ATF6: variants seen among roughly 807,000 people sequenced by gnomAD.
ATF6 encodes the protein activating transcription factor 6.
In ATF6, 53 loss-of-function variants were observed where a neutral mutation model predicts 83.6. That is an observed-to-expected ratio of 0.63 (90% CI 0.51 to 0.80). The LOEUF (loss-of-function observed/expected upper bound fraction) is 0.80, where lower values mean the gene tolerates loss of function less well. Ranked by LOEUF, ATF6 falls within the 30% of genes least tolerant of loss-of-function variation. The pLI, the probability that ATF6 is intolerant of heterozygous loss-of-function variation, is 0.00. For missense variants in ATF6, 744 were observed against 797.9 expected, an observed-to-expected ratio of 0.93 and a Z score of 0.81; for synonymous variants, 288 against 285.8, an observed-to-expected ratio of 1.01 and a Z score of -0.08.
chr1:161,921,222 G>C (rs1395610445), intron 15 of ATF6, among the ~76,000 whole-genome samples: 1 of 152,176 alleles, frequency 6.6e-6, no homozygotes, highest in African/African-American at 2.4e-5. Flanking sequence ...ACAGTAAAGA[G>C]AGGATTCATG....
chr1:161,916,292 A>G (rs1015637472), intron 15 of ATF6, among the ~76,000 whole-genome samples: 2 of 152,170 alleles, frequency 1.3e-5, no homozygotes, highest in Admixed American at 6.5e-5. Context: ...TTTCAAATCT[A>G]TAGAAAAGTT....
intron 15 of ATF6, among the ~76,000 whole-genome samples, chr1:161,920,151 A>G (rs1688176329): frequency 6.6e-6 from 1 of 151,942 alleles, no homozygotes. Flanking sequence ...AAAAAGTATT[A>G]TCTACCTTGC....
chr1:161,884,050 G>A (rs1332909308), intron 14 of ATF6, among the ~76,000 whole-genome samples: 1 of 152,034 alleles, frequency 6.6e-6, no homozygotes, highest in Admixed American at 6.6e-5. Flanking sequence ...TGCATATATG[G>A]TTGCTGGTTA....
At chr1:161,877,779 G>C (rs143298145) in intron 14 of ATF6, among the ~76,000 whole-genome samples, 3 of 152,222 alleles carry the variant, frequency 2.0e-5, no homozygotes, top group African/African-American at 7.2e-5. Context: ...TTTTTCAGTA[G>C]CTCCGGCAAA....
intron 14 of ATF6, among the ~76,000 whole-genome samples, chr1:161,906,260 T>A (rs1052303247): frequency 1.3e-5 from 2 of 152,188 alleles, no homozygotes; most frequent in African/African-American, 4.8e-5. Flanking sequence ...CCTGACCTGG[T>A]TTAGAAACAT....
chr1:161,814,722 C>T (rs576174177), intron 7 of ATF6, among the ~76,000 whole-genome samples: 41 of 152,032 alleles, frequency 2.7e-4, no homozygotes, highest in Non-Finnish European at 5.3e-4. Flanking sequence ...TAAATTTTCT[C>T]TTTTTTTCTG....
chr1:161,794,539 C>A (rs1165154865), intron 6 of ATF6, among the ~76,000 whole-genome samples: 2 of 152,016 alleles, frequency 1.3e-5, no homozygotes, highest in Admixed American at 1.3e-4. Flanking sequence ...GTCTCGAATT[C>A]TTGGGCTCAA....
At chr1:161,886,713 G>A (rs550523425) in intron 14 of ATF6, among the ~76,000 whole-genome samples, 174 of 152,274 alleles carry the variant, frequency 1.1e-3, no homozygotes, top group Middle Eastern at 6.8e-3. Context: ...TATGTGGTGC[G>A]TAAGTGTACT....
intron 15 of ATF6, among the ~76,000 whole-genome samples, chr1:161,941,974 G>A (rs527407418): frequency 5.3e-5 from 8 of 150,358 alleles, no homozygotes; most frequent in Non-Finnish European, 1.2e-4. Flanking sequence ...TCTTTTTTTC[G>A]GCGGGGTGGG....
At chr1:161,812,602 C>T (rs928198198) in intron 7 of ATF6, among the ~76,000 whole-genome samples, 19 of 151,446 alleles carry the variant, frequency 1.3e-4, no homozygotes, top group African/African-American at 3.9e-4. Flanking sequence ...CGTTTTTAGC[C>T]GGGATGGTCT....
chr1:161,928,067 A>T (rs1189105445), intron 15 of ATF6, among the ~76,000 whole-genome samples: 1 of 152,148 alleles, frequency 6.6e-6, no homozygotes, highest in Admixed American at 6.5e-5. Flanking sequence ...TCTTTAACAG[A>T]TATAATTGCA....
chr1:161,925,485 A>G (rs1426052124), intron 15 of ATF6, among the ~76,000 whole-genome samples: 1 of 152,194 alleles, frequency 6.6e-6, no homozygotes, highest in African/African-American at 2.4e-5. Context: ...AAACATTCAG[A>G]GAAGGCTTCC....
intron 15 of ATF6, among the ~76,000 whole-genome samples, chr1:161,932,043 G>A (rs1430652189): frequency 6.6e-6 from 1 of 151,998 alleles, no homozygotes; most frequent in African/African-American, 2.4e-5. Context: ...TTTTTTGGTT[G>A]TTTACCCTGT....
At chr1:161,917,001 C>T (rs192273782) in intron 15 of ATF6, among the ~76,000 whole-genome samples, 10 of 152,326 alleles carry the variant, frequency 6.6e-5, no homozygotes, top group Non-Finnish European at 8.8e-5. Context: ...TGTATCTCCT[C>T]AGTCAGCTTA....
At chr1:161,856,365 A>T (rs1004924892) in intron 12 of ATF6, among the ~76,000 whole-genome samples, 1 of 152,202 alleles carries the variant, frequency 6.6e-6, no homozygotes, top group Non-Finnish European at 1.5e-5. Flanking sequence ...ACAATGTCAC[A>T]TGTACCCCAA....
At chr1:161,797,397 G>A (rs953975597) in intron 6 of ATF6, among the ~76,000 whole-genome samples, 3 of 152,152 alleles carry the variant, frequency 2.0e-5, no homozygotes, top group East Asian at 1.9e-4. Flanking sequence ...CTTCACAGAC[G>A]ATATGATTCT....
At chr1:161,812,380 T>C (rs1282982909) in intron 7 of ATF6, among the ~76,000 whole-genome samples, 388 of 69,214 alleles carry the variant, frequency 5.6e-3, no homozygotes, top group Non-Finnish European at 8.7e-3. Context: ...TCTTTTTTTT[T>C]TTTTTTTTTT....
In ATF6 at chr1:161,888,176, G is replaced by C. The variant is rs1343821152; in HGVS notation, c.1720-24120G>C. Among the ~76,000 whole-genome samples, 4 of 152,114 alleles carry C rather than the reference G, an allele frequency of 2.6e-5. No individual in the cohort carries two copies. The South Asian group carries it at 8.3e-4, about 32-fold the overall frequency. On this transcript the variant is annotated intron_variant, in intron 14 of 15. Transcript: ENST00000367942. ...CATATTCTATCATCAGACAACGAAA[G>C]AAAATAATTCCATATAAATGGCTGC... is the stretch of plus-strand genomic sequence containing the variant.
intron 1 of ATF6, among the ~76,000 whole-genome samples, chr1:161,774,340 A>G (rs1307183647): frequency 6.6e-6 from 1 of 152,022 alleles, no homozygotes; most frequent in African/African-American, 2.4e-5. Context: ...GGAGGCTGTT[A>G]TAGCAATCCC....
Sources: allele counts gnomAD v4.1 joint callset (sites outside exome capture counted in the v4.1 genomes callset), GRCh38; gene constraint gnomAD v4.1.1; transcripts MANE v1.5; gene names NCBI Gene and HGNC (gene_info 2026-07-23, HGNC 2026-07-21).